FAM168A: variants seen among roughly 807,000 people sequenced by gnomAD.
FAM168A encodes the protein family with sequence similarity 168 member A.
In FAM168A, 3 loss-of-function variants were observed where a neutral mutation model predicts 28.5. The observed-to-expected ratio is 0.11, with a 90% CI of 0.05 to 0.27. FAM168A has a LOEUF of 0.27. Among genes scored for constraint, FAM168A ranks in the 10% least tolerant of loss-of-function variants. The probability of loss-of-function intolerance (pLI) is 1.00; values close to 1 mark genes in which losing one functional copy is unlikely to be tolerated. For missense variants in FAM168A, 222 were observed against 311.5 expected (o/e 0.71, Z 2.16); for synonymous variants, 122 against 124.2 (o/e 0.98, Z 0.12).
chr11:73,465,966 A>G (rs561534437), intron 2 of FAM168A, among the ~76,000 whole-genome samples: 3 of 150,194 alleles, frequency 2.0e-5, no homozygotes, highest in Non-Finnish European at 3.0e-5. Context: ...TTTAAAAGGG[A>G]GAGAGAGAGA....
At position 73,484,859 on chromosome 11, in the gene FAM168A, AC is replaced by A. The variant is rs538909128; in HGVS notation, c.-18-16368del. 1.6e-4 allele frequency among the ~76,000 whole-genome samples: 25 copies of A among 151,948 alleles called. No individual in the cohort carries two copies. The South Asian group carries it at 4.0e-3, about 24-fold the overall frequency. ...GCCAGTCCAAGTCCCAAGCTGAAGA[AC>A]CTGGAGTCCGATGTTCAAGGACAGG... On this transcript the variant is annotated intron_variant, in intron 1 of 7. Coordinates refer to ENST00000356467, the MANE Select transcript of FAM168A (RefSeq NM_015159.3).
intron 2 of FAM168A, among the ~76,000 whole-genome samples, chr11:73,439,404 A>G (rs542800585): frequency 7.9e-5 from 12 of 152,306 alleles, no homozygotes; most frequent in African/African-American, 2.4e-4. Context: ...CCTCTGGGTC[A>G]TTCACCTAGG....
intron 1 of FAM168A, among the ~76,000 whole-genome samples, chr11:73,471,445 GC>G (rs1181865019): frequency 6.6e-6 from 1 of 152,084 alleles, no homozygotes; most frequent in Non-Finnish European, 1.5e-5. Flanking sequence ...AGTTCTATGA[GC>G]CCCTGAAAAA....
intron 1 of FAM168A, among the ~76,000 whole-genome samples, chr11:73,559,261 G>C (rs1943926219): frequency 6.6e-6 from 1 of 152,068 alleles, no homozygotes; most frequent in African/African-American, 2.4e-5. Flanking sequence ...TACAAAATTA[G>C]CTGGTCATGG....
intron 1 of FAM168A, among the ~76,000 whole-genome samples, chr11:73,564,480 T>C (rs1943996012): frequency 6.6e-6 from 1 of 151,994 alleles, no homozygotes; most frequent in Non-Finnish European, 1.5e-5. Flanking sequence ...GGCTCACGCC[T>C]ATAATCCCAG....
intron 2 of FAM168A, among the ~76,000 whole-genome samples, chr11:73,462,046 A>G (rs1245718051): frequency 1.3e-5 from 2 of 152,192 alleles, no homozygotes; most frequent in Non-Finnish European, 2.9e-5. Flanking sequence ...CCACTAGGAA[A>G]ACAGTATGGC....
In FAM168A at chr11:73,402,269, G is replaced by A. The variant is rs556000692; in HGVS notation, c.*4494C>T. ...TATAAGACAAAGTTCACAGGGCCCA[G>A]AATGGGGCCCACCCCCTCTGGGCAC... On this transcript the variant is annotated 3_prime_UTR_variant, in exon 8 of 8. Transcript: ENST00000356467. 1.4e-4 allele frequency: 22 copies of A among 152,260 alleles called. No individual in the cohort carries two copies. The highest frequency in any genetic ancestry group is 2.9e-4 in the Non-Finnish European group (20 of 68,054). 9.4% of individuals were successfully genotyped at this position (152,260 alleles called of 1,614,324 possible).
intron 1 of FAM168A, among the ~76,000 whole-genome samples, chr11:73,523,813 G>C (rs1943415725): frequency 6.6e-6 from 1 of 151,776 alleles, no homozygotes; most frequent in South Asian, 2.1e-4. Context: ...AGCACAGGTA[G>C]GAGATAAATC....
chr11:73,577,499 C>T (rs1302408678), intron 1 of FAM168A, among the ~76,000 whole-genome samples: 2 of 152,174 alleles, frequency 1.3e-5, no homozygotes, highest in Non-Finnish European at 2.9e-5. Context: ...TTAAATGCTG[C>T]CTGATCCTTT....
chr11:73,519,188 C>T (rs1416617177), intron 1 of FAM168A, among the ~76,000 whole-genome samples: 2 of 152,184 alleles, frequency 1.3e-5, no homozygotes, highest in Non-Finnish European at 2.9e-5. Context: ...GATACTATTT[C>T]TCCTCCCCTT....
chr11:73,558,469 TAA>T (rs367874557), intron 1 of FAM168A, among the ~76,000 whole-genome samples: 2,487 of 75,466 alleles, frequency 0.033, 53 homozygotes, highest in African/African-American at 0.078. Context: ...ACCCTGTCTC[TAA>T]AAAAAAAAAA....
chr11:73,571,326 A>C (rs192897809), intron 1 of FAM168A, among the ~76,000 whole-genome samples: 1 of 146,644 alleles, frequency 6.8e-6, no homozygotes, highest in Admixed American at 7.1e-5. Context: ...CTGCCATCTC[A>C]GCTCACTGCA....
chr11:73,495,284 G>C (rs888930156), intron 1 of FAM168A, among the ~76,000 whole-genome samples: 1 of 151,996 alleles, frequency 6.6e-6, no homozygotes, highest in Non-Finnish European at 1.5e-5. Flanking sequence ...AGCCGAGATC[G>C]TGCCACTGCA....
chr11:73,595,960 A>C (rs1447817358), intron 1 of FAM168A, among the ~76,000 whole-genome samples: 3 of 152,222 alleles, frequency 2.0e-5, no homozygotes, highest in African/African-American at 4.8e-5. Flanking sequence ...TGACATTTCC[A>C]TATTTCCTGT....
chr11:73,415,182 A>C (rs1366541236), intron 4 of FAM168A, among the ~76,000 whole-genome samples: 2 of 152,250 alleles, frequency 1.3e-5, no homozygotes, highest in African/African-American at 4.8e-5. Flanking sequence ...ATCAGTAGCC[A>C]AAACACCCTT....
intron 1 of FAM168A, among the ~76,000 whole-genome samples, chr11:73,502,692 CA>C (rs1163330179): frequency 6.6e-6 from 1 of 151,698 alleles, no homozygotes; most frequent in African/African-American, 2.4e-5. Context: ...AGAGACACAA[CA>C]AAAAAAAGAA....
chr11:73,479,562 TC>T (rs1342018735), intron 1 of FAM168A, among the ~76,000 whole-genome samples: 1 of 152,162 alleles, frequency 6.6e-6, no homozygotes, highest in Non-Finnish European at 1.5e-5. Context: ...TTTATTCCTG[TC>T]CCCATTTCTC....
At chr11:73,413,213 C>T (rs749051962) in intron 4 of FAM168A, among the ~76,000 whole-genome samples, 2 of 76,006 alleles carry the variant, frequency 2.6e-5, no homozygotes, top group Non-Finnish European at 5.0e-5. Context: ...TGCACAGCTG[C>T]CACAAAAGTC....
At chr11:73,410,215 G>A (rs967586781) in intron 5 of FAM168A, among the ~76,000 whole-genome samples, 3 of 152,020 alleles carry the variant, frequency 2.0e-5, no homozygotes, top group African/African-American at 4.8e-5. Context: ...AGACCAGCCC[G>A]ACCAGCATGG....
Sources: gnomAD v4.1 joint callset for allele counts (sites outside exome capture counted in the v4.1 genomes callset) on GRCh38, gnomAD v4.1.1 for gene constraint, MANE v1.5 for transcripts, NCBI Gene and HGNC (gene_info 2026-07-23, HGNC 2026-07-21) for gene names.